SELENOI: variants seen among roughly 807,000 people sequenced by gnomAD.
SELENOI encodes the protein ethanolaminephosphotransferase 1.
Under a neutral mutation model 50.7 loss-of-function variants are expected in SELENOI, and 24 were observed. The ratio of observed to expected loss-of-function variants is 0.47; its 90% CI spans 0.34 to 0.67. The LOEUF is 0.67. SELENOI is among the 30% of genes least tolerant of loss of function. The pLI is 0.01. For missense variants in SELENOI, 352 were observed against 461.4 expected (o/e 0.76, Z 2.17); for synonymous variants, 155 against 170.2 (o/e 0.91, Z 0.70).
At chr2:26,346,628 C>G (rs1207108953) in intron 1 of SELENOI, 1 of 189,734 alleles carries the variant, frequency 5.3e-6, no homozygotes, top group East Asian at 1.5e-4. Flanking sequence ...TGTCAATCGC[C>G]TTCATTTTAG....
intron 1 of SELENOI, among the ~76,000 whole-genome samples, chr2:26,352,006 T>C (rs375326799): frequency 8.9e-4 from 135 of 152,210 alleles, no homozygotes; most frequent in African/African-American, 3.1e-3. Context: ...CCGGGTGTTA[T>C]GGCGCATACC....
chr2:26,379,247 C>T (rs539251067), intron 6 of SELENOI, among the ~76,000 whole-genome samples: 6 of 152,220 alleles, frequency 3.9e-5, no homozygotes, highest in South Asian at 2.1e-4. Context: ...GTGAGAAGAG[C>T]GCAACTCTGT....
intron 7 of SELENOI, among the ~76,000 whole-genome samples, chr2:26,383,801 G>A (rs1475047768): frequency 2.0e-5 from 3 of 152,144 alleles, no homozygotes; most frequent in Non-Finnish European, 2.9e-5. Context: ...TTGAACCTGG[G>A]AGGCGGAGGT....
intron 4 of SELENOI, among the ~76,000 whole-genome samples, chr2:26,372,474 A>G (rs1353946958): frequency 6.6e-6 from 1 of 152,194 alleles, no homozygotes; most frequent in East Asian, 1.9e-4. Context: ...TCCAATCCTT[A>G]TAGCACCAAG....
At chr2:26,359,207 C>G (rs1308384098) in intron 1 of SELENOI, among the ~76,000 whole-genome samples, 4 of 152,156 alleles carry the variant, frequency 2.6e-5, no homozygotes, top group Admixed American at 2.6e-4. Flanking sequence ...AGAAAAAGCT[C>G]TCCAACCCCT....
At chr2:26,384,871 A>G (rs1677805565) in intron 7 of SELENOI, 88 bp from the exon 8 acceptor site, 3 of 892,510 alleles carry the variant, frequency 3.4e-6, no homozygotes, top group Non-Finnish European at 4.8e-6. Context: ...AAATAAGTGT[A>G]TAAATAAGGA....
chr2:26,370,169 T>G (rs925225195), intron 4 of SELENOI, among the ~76,000 whole-genome samples: 1 of 151,308 alleles, frequency 6.6e-6, no homozygotes, highest in Non-Finnish European at 1.5e-5. Flanking sequence ...GAGCACAGGG[T>G]TGGGGGTAAG....
At chr2:26,366,661 A>G (rs73920264) in intron 3 of SELENOI, among the ~76,000 whole-genome samples, 4,819 of 152,268 alleles carry the variant, frequency 0.032, 111 homozygotes, top group Middle Eastern at 0.061. Context: ...AGCTCTAGAT[A>G]TTTCAGAATG....
chr2:26,373,409 C>G lies in SELENOI; in HGVS notation c.353C>G (p.Thr118Ser), dbSNP rs1474631255. The change falls in exon 5 of 10, where the codon ACT (threonine) becomes AGT (serine). Residue 118 changes from threonine to serine, a missense_variant. Transcript: ENST00000260585. ...GKQARRTNSS[T>S]PLGELFDHGL... ...CAAGCTCGCAGAACCAATTCTAGCA[C>G]TCCCTTAGGGGAGCTTTTTGATCAT... 6.2e-7 allele frequency: 1 copy of G among 1,612,652 alleles called. No individual in the cohort carries two copies. The highest frequency in any genetic ancestry group is 8.5e-7 in the Non-Finnish European group (1 of 1,179,198).
At chr2:26,383,937 G>A (rs891331067) in intron 7 of SELENOI, among the ~76,000 whole-genome samples, 4 of 152,138 alleles carry the variant, frequency 2.6e-5, no homozygotes, top group African/African-American at 9.7e-5. Context: ...GACCAAACTG[G>A]ACCTGTGCTG....
chr2:26,371,367 T>G (rs1237807561), intron 4 of SELENOI, among the ~76,000 whole-genome samples: 7 of 147,084 alleles, frequency 4.8e-5, no homozygotes, highest in Admixed American at 4.7e-4. Flanking sequence ...GCTCCCCACA[T>G]CCCAGACGAT....
At chr2:26,388,251 A>G (rs551145636) in intron 9 of SELENOI, among the ~76,000 whole-genome samples, 131 of 152,324 alleles carry the variant, frequency 8.6e-4, no homozygotes, top group African/African-American at 3.0e-3. Flanking sequence ...TTCATTTACT[A>G]TAGCCTTTTA....
At chr2:26,383,265 A>G (rs1324570439) in intron 6 of SELENOI, 34 bp from the exon 7 acceptor site, 5 of 1,470,422 alleles carry the variant, frequency 3.4e-6, no homozygotes, top group Admixed American at 2.3e-5. Context: ...TTGCTCTTGA[A>G]TAAGCATAAT....
intron 1 of SELENOI, among the ~76,000 whole-genome samples, chr2:26,363,153 T>G (rs895757976): frequency 6.6e-6 from 1 of 152,236 alleles, no homozygotes; most frequent in African/African-American, 2.4e-5. Context: ...GATCTGTCAT[T>G]CCTTTGGTAC....
At chr2:26,370,608 C>A (rs1389159215) in intron 4 of SELENOI, among the ~76,000 whole-genome samples, 823 of 4,882 alleles carry the variant, frequency 0.17, 297 homozygotes, top group African/African-American at 0.37. Context: ...GCTGGCTGGG[C>A]GGGGGCTGAC....
intron 6 of SELENOI, among the ~76,000 whole-genome samples, chr2:26,380,785 T>G (rs1677674941): frequency 6.6e-6 from 1 of 152,188 alleles, no homozygotes; most frequent in Non-Finnish European, 1.5e-5. Context: ...TTTACCAACA[T>G]AGTATATTGT....
At chr2:26,348,584 T>G (rs1188181237) in intron 1 of SELENOI, among the ~76,000 whole-genome samples, 1 of 152,278 alleles carries the variant, frequency 6.6e-6, no homozygotes, top group African/African-American at 2.4e-5. Flanking sequence ...TTGCATTCGC[T>G]ATTGTGTTAC....
At chr2:26,354,191 C>T (rs1677016870) in intron 1 of SELENOI, among the ~76,000 whole-genome samples, 2 of 152,024 alleles carry the variant, frequency 1.3e-5, no homozygotes, top group Admixed American at 1.3e-4. Flanking sequence ...GAAAGAGGTA[C>T]TATTTTCCCT....
At chr2:26,384,826 G>T in intron 7 of SELENOI, 133 bp from the exon 8 acceptor site, 2 of 561,990 alleles carry the variant, frequency 3.6e-6, no homozygotes, top group East Asian at 3.2e-5. Flanking sequence ...TAATGATGTT[G>T]GTTCTGTCTA....
Sources: gnomAD v4.1 joint callset for allele counts (sites outside exome capture counted in the v4.1 genomes callset) on GRCh38, gnomAD v4.1.1 for gene constraint, MANE v1.5 for transcripts, NCBI Gene and HGNC (gene_info 2026-07-23, HGNC 2026-07-21) for gene names.